The following MYO3B variants were observed in gnomAD, a reference collection of about 807,000 sequenced individuals.
MYO3B encodes myosin IIIB.
A neutral mutation model predicts 174.6 loss-of-function variants in MYO3B; 156 were observed. That is an observed-to-expected ratio of 0.89 (90% CI 0.78 to 1.02). The LOEUF (loss-of-function observed/expected upper bound fraction) is 1.02. Ranked by LOEUF, MYO3B falls within the 50% of genes least tolerant of loss-of-function variation. The pLI is 0.00. For synonymous variants in MYO3B, 563 were observed against 569.1 expected, an observed-to-expected ratio of 0.99 and a Z score of 0.15; for missense variants, 1,632 against 1,639.4, an observed-to-expected ratio of 1.00 and a Z score of 0.08.
chr2:170,463,163 A>G (rs1250504376), intron 23 of MYO3B, among the ~76,000 whole-genome samples: 2 of 152,250 alleles, frequency 1.3e-5, no homozygotes, highest in African/African-American at 2.4e-5. Flanking sequence ...TATTTTATAG[A>G]GTGAGGTATT....
At position 170,501,727 on chromosome 2, in the gene MYO3B, A is replaced by G. The variant is rs1038580040; in HGVS notation, c.3290-58A>G. The G allele has an allele frequency of 9.1e-6, 11 of 1,214,708 alleles. No homozygotes were observed. The African/African-American group carries it at 1.2e-4, about 13-fold the overall frequency. 75.2% of individuals were successfully genotyped at this position (1,214,708 alleles called of 1,614,324 possible). A position where few individuals can be genotyped will look rare whatever the true frequency, so the allele number is the denominator to read the frequency against. ...CTGGAGGGGAAAACAGCTTATATCA[A>G]TTCTCTGGCACGTTCTTAAATTAAT... is the stretch of plus-strand genomic sequence containing the variant. On this transcript the variant is annotated intron_variant, in intron 27 of 34. Transcript: ENST00000408978.
In MYO3B at chr2:170,326,663, C is replaced by T. The variant is rs565337717; in HGVS notation, c.750-8722C>T. On this transcript the variant is annotated intron_variant, in intron 7 of 34. Transcript: ENST00000408978. ...TTCATGCATGGCTGAATTGCTTATG[C>T]GTCCTGTGTTTGCGTAAGGAGAGTA... 8.5e-5 allele frequency among the ~76,000 whole-genome samples: 13 copies of T among 152,286 alleles called. No homozygotes were observed. In the East Asian group the frequency reaches 1.5e-3, roughly 18 times the overall value.
chr2:170,330,316 T>C (rs1478278660), intron 7 of MYO3B, among the ~76,000 whole-genome samples: 2 of 152,214 alleles, frequency 1.3e-5, no homozygotes, highest in African/African-American at 4.8e-5. Context: ...TTTTTGCATG[T>C]ATGTTCTCTT....
intron 7 of MYO3B, among the ~76,000 whole-genome samples, chr2:170,275,209 C>T (rs2093455663): frequency 6.6e-6 from 1 of 152,170 alleles, no homozygotes; most frequent in African/African-American, 2.4e-5. Flanking sequence ...CAGACTTAAA[C>T]ATTGCTTCAT....
At chr2:170,328,711 C>G (rs12692948) in intron 7 of MYO3B, among the ~76,000 whole-genome samples, 3 of 151,652 alleles carry the variant, frequency 2.0e-5, no homozygotes, top group African/African-American at 7.3e-5. Flanking sequence ...GGCTAAATAA[C>G]CTATAGTTAC....
chr2:170,270,938 C>T (rs2093421248), intron 7 of MYO3B, among the ~76,000 whole-genome samples: 2 of 152,224 alleles, frequency 1.3e-5, no homozygotes, highest in South Asian at 4.1e-4. Context: ...ACCACTACAG[C>T]CAGTTCCACA....
chr2:170,314,946 G>A (rs1038811870), intron 7 of MYO3B, among the ~76,000 whole-genome samples: 13 of 152,182 alleles, frequency 8.5e-5, no homozygotes, highest in Non-Finnish European at 1.3e-4. Context: ...CAGTATCCAC[G>A]TATTTCATTT....
chr2:170,242,001 T>C (rs1295065780), intron 7 of MYO3B, among the ~76,000 whole-genome samples: 1 of 152,180 alleles, frequency 6.6e-6, no homozygotes, highest in Non-Finnish European at 1.5e-5. Flanking sequence ...GACATTTTCC[T>C]TTAGGGCTGT....
intron 6 of MYO3B, 89 bp downstream of exon 6, chr2:170,217,484 A>G: frequency 8.9e-7 from 1 of 1,118,016 alleles, no homozygotes; most frequent in Non-Finnish European, 1.4e-6. Context: ...GCTTTGCAGA[A>G]TTTTTAGGGA....
At chr2:170,400,648 C>CG (rs1031234794) in intron 17 of MYO3B, among the ~76,000 whole-genome samples, 3 of 21,538 alleles carry the variant, frequency 1.4e-4, no homozygotes, top group Non-Finnish European at 4.1e-4. Context: ...CATGATCCAC[C>CG]CCCCCCCCCT....
At position 170,404,360 on chromosome 2, in the gene MYO3B, G is replaced by C. The variant is rs1459461449; in HGVS notation, c.2391G>C (p.Glu797Asp). The C allele has an allele frequency of 6.2e-7, 1 of 1,613,554 alleles. No individual in the cohort carries two copies. The highest frequency in any genetic ancestry group is 8.5e-7 in the Non-Finnish European group (1 of 1,179,864). The change falls in exon 20 of 35, where the codon GAG becomes GAC. Residue 797 changes from glutamate to aspartate, a missense_variant. Glu to Asp is a conservative substitution (Grantham distance 45, BLOSUM62 2). Coordinates refer to ENST00000408978, the MANE Select transcript of MYO3B (RefSeq NM_138995.5). ...TGGGACTGCTTGCACTTTTGGATGA[G>C]GAAAGTCGGTTTCCCCAAGCAACTG... ...KPLGLLALLDEESRFPQATDQ... is the reference protein window; with the variant it reads ...KPLGLLALLDDESRFPQATDQ...
At chr2:170,621,862 G>A (rs958842749) in intron 32 of MYO3B, among the ~76,000 whole-genome samples, 3 of 151,872 alleles carry the variant, frequency 2.0e-5, no homozygotes, top group African/African-American at 7.3e-5. Context: ...ACCTGTTTTG[G>A]AGCACATGTC....
Position 170,451,155 on chromosome 2 carries a change from G to A in MYO3B, c.2730+7109G>A, listed in dbSNP as rs1683573633. ...ACATTCTACTTTCCTTCTATACCTT[G>A]CAACCTTGCATGTAAAACTCTTTTT... is the stretch of plus-strand genomic sequence containing the variant. On this transcript the variant is annotated intron_variant, in intron 23 of 34. Coordinates refer to ENST00000408978, the MANE Select transcript of MYO3B (RefSeq NM_138995.5). Among the ~76,000 whole-genome samples the A allele has an allele frequency of 3.3e-5, 5 of 152,086 alleles. No individual in the cohort carries two copies. The South Asian group carries it at 1.0e-3, about 32-fold the overall frequency.
chr2:170,466,854 G>A, intron 25 of MYO3B, 143 bp downstream of exon 25: 1 of 845,722 alleles, frequency 1.2e-6, no homozygotes, highest in Non-Finnish European at 1.8e-6. Flanking sequence ...TTGCTTGAAT[G>A]TTGCATTTTT....
intron 32 of MYO3B, among the ~76,000 whole-genome samples, chr2:170,577,612 A>C (rs1692861865): frequency 6.6e-6 from 1 of 152,212 alleles, no homozygotes; most frequent in Non-Finnish European, 1.5e-5. Context: ...CAAGAATATG[A>C]ATTCCTCAGG....
chr2:170,537,448 A>ATTTTTTTGTT (rs1689789410), intron 30 of MYO3B, among the ~76,000 whole-genome samples: 1 of 54,804 alleles, frequency 1.8e-5, no homozygotes, highest in African/African-American at 8.2e-5. Context: ...GAGCTCTTTG[A>ATTTTTTTGTT]TTTTTTTTTT....
intron 22 of MYO3B, among the ~76,000 whole-genome samples, chr2:170,440,757 A>C (rs543991789): frequency 6.6e-6 from 1 of 151,284 alleles, no homozygotes; most frequent in East Asian, 2.0e-4. Flanking sequence ...TGTCTGAAAA[A>C]ACAACAGCAA....
intron 7 of MYO3B, among the ~76,000 whole-genome samples, chr2:170,256,068 A>G (rs775321655): frequency 9.2e-5 from 14 of 152,210 alleles, no homozygotes; most frequent in Non-Finnish European, 1.8e-4. Flanking sequence ...GTTTGAATCA[A>G]CCCAGTTAGA....
chr2:170,429,486 C>T (rs768813289), intron 22 of MYO3B, among the ~76,000 whole-genome samples: 30 of 152,192 alleles, frequency 2.0e-4, no homozygotes, highest in Admixed American at 1.8e-3. Context: ...TTTCTTCCCC[C>T]TAAAACTGTC....
Sources: gnomAD v4.1 joint callset for allele counts (sites outside exome capture counted in the v4.1 genomes callset) on GRCh38, gnomAD v4.1.1 for gene constraint, MANE v1.5 for transcripts, NCBI Gene and HGNC (gene_info 2026-07-23, HGNC 2026-07-21) for gene names.